SORCS1: variants seen among roughly 807,000 people sequenced by gnomAD.
SORCS1 encodes sortilin related VPS10 domain containing receptor 1.
Under a neutral mutation model 146.1 loss-of-function variants are expected in SORCS1, and 60 were observed. The ratio of observed to expected loss-of-function variants is 0.41; its 90% confidence interval spans 0.33 to 0.51. The LOEUF (loss-of-function observed/expected upper bound fraction) is 0.51. Ranked by LOEUF, SORCS1 falls within the 20% of genes least tolerant of loss-of-function variation. The probability of loss-of-function intolerance (pLI) is 0.21; values close to 1 mark genes in which losing one functional copy is unlikely to be tolerated. For synonymous variants in SORCS1, 637 were observed against 584.0 expected (o/e 1.09, Z -1.31); for missense variants, 1,352 against 1,487.6 (o/e 0.91, Z 1.50).
At chr10:106,798,339 G>A (rs1208348112) in intron 3 of SORCS1, among the ~76,000 whole-genome samples, 1 of 152,150 alleles carries the variant, frequency 6.6e-6, no homozygotes, top group East Asian at 1.9e-4. Flanking sequence ...TGCACAACGT[G>A]CAGGTTTGTT....
Position 106,636,229 on chromosome 10 carries a change from C to T in SORCS1, c.2476-6841G>A, listed in dbSNP as rs375405746. On this transcript the variant is annotated intron_variant, in intron 18 of 25. Coordinates refer to ENST00000263054, the MANE Select transcript of SORCS1 (RefSeq NM_052918.5). Reference sequence around the variant, plus strand: ...GAGCCATGATTGCACCACTGCACTCCAGCCTGGATAACAGAGTGAACCACT... The same window carrying T: ...GAGCCATGATTGCACCACTGCACTCTAGCCTGGATAACAGAGTGAACCACT... Among the ~76,000 whole-genome samples the T allele has an allele frequency of 3.0e-3, 449 of 151,650 alleles. 2 individuals are homozygous for T. The highest frequency in any genetic ancestry group is 0.011 in the African/African-American group (437 of 41,306).
intron 10 of SORCS1, among the ~76,000 whole-genome samples, chr10:106,684,345 C>T (rs1421564439): frequency 6.6e-6 from 1 of 152,076 alleles, no homozygotes; most frequent in African/African-American, 2.4e-5. Context: ...CTCAAAAAAA[C>T]AGAAAAGAAA....
intron 1 of SORCS1, among the ~76,000 whole-genome samples, chr10:106,993,020 C>T (rs540196884): frequency 3.3e-5 from 5 of 150,622 alleles, no homozygotes; most frequent in Admixed American, 2.0e-4. Flanking sequence ...TTAGTAGAGA[C>T]GGGGTTTCAC....
chr10:106,942,055 T>G (rs1347735184), intron 2 of SORCS1, among the ~76,000 whole-genome samples: 1 of 152,180 alleles, frequency 6.6e-6, no homozygotes, highest in East Asian at 1.9e-4. Flanking sequence ...AAAATAGCAG[T>G]GCCTTCTCCT....
At chr10:107,056,072 A>C (rs1960602703) in intron 1 of SORCS1, among the ~76,000 whole-genome samples, 1 of 152,232 alleles carries the variant, frequency 6.6e-6, no homozygotes, top group Non-Finnish European at 1.5e-5. Flanking sequence ...AAAAGTGAGA[A>C]GTTGTAGAAT....
chr10:107,036,575 C>T (rs1326270143), intron 1 of SORCS1, among the ~76,000 whole-genome samples: 3 of 152,166 alleles, frequency 2.0e-5, no homozygotes, highest in Admixed American at 2.0e-4. Flanking sequence ...GTGATCTCAT[C>T]AAGCTATTTG....
At chr10:106,649,751 GA>G in intron 18 of SORCS1, among the ~76,000 whole-genome samples, 2 of 152,128 alleles carry the variant, frequency 1.3e-5, no homozygotes, top group East Asian at 3.9e-4. Context: ...ATCTGTGTTA[GA>G]CCTTTTTATC....
At chr10:106,702,993 T>C (rs1182506687) in intron 8 of SORCS1, among the ~76,000 whole-genome samples, 1 of 152,210 alleles carries the variant, frequency 6.6e-6, no homozygotes, top group East Asian at 1.9e-4. Flanking sequence ...TTATTGGATG[T>C]TCTAAACCTT....
At chr10:106,591,835 T>G (rs1385316703) in intron 24 of SORCS1, among the ~76,000 whole-genome samples, 1 of 152,106 alleles carries the variant, frequency 6.6e-6, no homozygotes, top group East Asian at 1.9e-4. Flanking sequence ...GGCATTGAAC[T>G]GAGCCTTAAA....
At position 107,026,941 on chromosome 10, in the gene SORCS1, C is replaced by A. The variant is rs141329033; in HGVS notation, c.559-70361G>T. On this transcript the variant is annotated intron_variant, in intron 1 of 25. Transcript: ENST00000263054. ...CATTGCTTAAAGGGACTCTCTAATG[C>A]GTCTTTAAAAATATGAATAAATCAT... 5.5e-3 allele frequency among the ~76,000 whole-genome samples: 820 copies of A among 150,370 alleles called. 6 individuals are homozygous for A. Among genetic ancestry groups the A allele is most frequent in the African/African-American group, 0.019 (780 of 40,886 alleles).
At chr10:107,073,071 A>G (rs1326692934) in intron 1 of SORCS1, among the ~76,000 whole-genome samples, 1 of 152,178 alleles carries the variant, frequency 6.6e-6, no homozygotes, top group African/African-American at 2.4e-5. Flanking sequence ...GTCTGGTCTC[A>G]ATTACTTTTA....
chr10:106,589,746 G>C (rs939262210), intron 24 of SORCS1, among the ~76,000 whole-genome samples: 2 of 147,184 alleles, frequency 1.4e-5, no homozygotes, highest in South Asian at 4.3e-4. Flanking sequence ...TCTCCATCTC[G>C]ACTAAACAAA....
intron 2 of SORCS1, among the ~76,000 whole-genome samples, chr10:106,934,280 T>TG (rs1257648194): frequency 6.6e-6 from 1 of 151,874 alleles, no homozygotes; most frequent in African/African-American, 2.4e-5. Context: ...TTTTTTTAGA[T>TG]GGAGTCGCGC....
At chr10:106,849,068 A>G (rs921401986) in intron 2 of SORCS1, among the ~76,000 whole-genome samples, 64 of 145,934 alleles carry the variant, frequency 4.4e-4, no homozygotes, top group African/African-American at 1.6e-3. Flanking sequence ...TGTGTCTTGG[A>G]GTTGCTCTTC....
upstream of SORCS1, among the ~76,000 whole-genome samples, chr10:107,166,503 A>C (rs983045779): frequency 1.3e-5 from 2 of 152,236 alleles, no homozygotes; most frequent in Non-Finnish European, 2.9e-5. Context: ...AAGAAGAAAT[A>C]CAAGCAAAAG....
At chr10:106,951,460 C>T (rs1041616378) in intron 2 of SORCS1, among the ~76,000 whole-genome samples, 5 of 147,748 alleles carry the variant, frequency 3.4e-5, no homozygotes, top group Non-Finnish European at 5.9e-5. Flanking sequence ...TGCAGTGAGC[C>T]GAGATCACGC....
intron 2 of SORCS1, among the ~76,000 whole-genome samples, chr10:106,830,967 G>A (rs763013516): frequency 3.2e-4 from 49 of 152,068 alleles, no homozygotes; most frequent in Non-Finnish European, 5.9e-4. Context: ...GGCTGAGGCA[G>A]GCAGGTCACG....
chr10:106,715,286 A>G (rs555299428), intron 6 of SORCS1, among the ~76,000 whole-genome samples: 1 of 152,354 alleles, frequency 6.6e-6, no homozygotes, highest in African/African-American at 2.4e-5. Flanking sequence ...TAATTTCATT[A>G]CTTTTCCTAC....
At chr10:107,110,154 T>A (rs1417943930) in intron 1 of SORCS1, among the ~76,000 whole-genome samples, 10 of 152,156 alleles carry the variant, frequency 6.6e-5, no homozygotes, top group Admixed American at 6.5e-4. Context: ...AAACTGTCCC[T>A]CATCTTTCTT....
Sources: allele counts gnomAD v4.1 joint callset (sites outside exome capture counted in the v4.1 genomes callset), GRCh38; gene constraint gnomAD v4.1.1; transcripts MANE v1.5; gene names NCBI Gene and HGNC (gene_info 2026-07-23, HGNC 2026-07-21).